The following RORA variants were observed in gnomAD, a reference collection of about 807,000 sequenced individuals.
RORA encodes RAR related orphan receptor A, also known as nuclear receptor ROR-alpha.
RORA carries 7 observed loss-of-function variants against 69.5 expected under a neutral mutation model. The ratio of observed to expected loss-of-function variants is 0.10; its 90% CI spans 0.06 to 0.19. RORA has a LOEUF of 0.19. Among genes scored for constraint, RORA ranks in the 10% least tolerant of loss-of-function variants. RORA has a pLI of 1.00. For synonymous variants in RORA, 261 were observed against 240.8 expected (o/e 1.08, Z -0.78); for missense variants, 457 against 663.0 (o/e 0.69, Z 3.41).
chr15:60,767,135 G>A (rs1298757456), intron 1 of RORA, among the ~76,000 whole-genome samples: 1 of 152,180 alleles, frequency 6.6e-6, no homozygotes, highest in African/African-American at 2.4e-5. Flanking sequence ...AAATTGGAAG[G>A]TGTGATTAAA....
chr15:61,009,258 G>A (rs902910979), intron 1 of RORA, among the ~76,000 whole-genome samples: 2 of 152,180 alleles, frequency 1.3e-5, no homozygotes, highest in African/African-American at 4.8e-5. Context: ...GGAGGGATGG[G>A]TAGGAAAGTT....
intron 3 of RORA, among the ~76,000 whole-genome samples, chr15:60,516,093 A>G (rs1197057330): frequency 2.6e-5 from 2 of 76,622 alleles, no homozygotes; most frequent in South Asian, 3.1e-4. Context: ...ATATATATTT[A>G]TATATATTTA....
intron 1 of RORA, among the ~76,000 whole-genome samples, chr15:60,842,733 C>T (rs2073215437): frequency 6.6e-6 from 1 of 151,572 alleles, no homozygotes; most frequent in African/African-American, 2.4e-5. Flanking sequence ...CTGTCATGGT[C>T]ACCCCCTCCC....
At chr15:61,186,639 TCAAA>T (rs1358072731) in intron 1 of RORA, among the ~76,000 whole-genome samples, 2 of 10,964 alleles carry the variant, frequency 1.8e-4, no homozygotes, top group Non-Finnish European at 1.4e-4. Flanking sequence ...AGACCCTGAC[TCAAA>T]AAAAAAAAAA....
chr15:60,727,251 CT>C (rs1474010343), intron 1 of RORA, among the ~76,000 whole-genome samples: 7 of 152,174 alleles, frequency 4.6e-5, no homozygotes, highest in Non-Finnish European at 1.0e-4. Context: ...CCTCCTTCCC[CT>C]TCTTTGCAAT....
chr15:60,792,338 G>A (rs931969423), intron 1 of RORA, among the ~76,000 whole-genome samples: 1 of 152,130 alleles, frequency 6.6e-6, no homozygotes, highest in African/African-American at 2.4e-5. Flanking sequence ...ATACATATAT[G>A]AAATAGCAAG....
At chr15:60,640,536 C>T (rs2069925013) in intron 2 of RORA, among the ~76,000 whole-genome samples, 1 of 152,192 alleles carries the variant, frequency 6.6e-6, no homozygotes, top group South Asian at 2.1e-4. Flanking sequence ...CCAAGCTCCT[C>T]ACCACAGCCT....
intron 1 of RORA, among the ~76,000 whole-genome samples, chr15:60,736,313 G>A (rs1423498367): frequency 6.6e-6 from 1 of 152,174 alleles, no homozygotes; most frequent in Non-Finnish European, 1.5e-5. Context: ...AGCATGGCGG[G>A]AAGTCAGAGT....
intron 2 of RORA, among the ~76,000 whole-genome samples, chr15:60,675,323 C>T (rs1203193883): frequency 6.6e-6 from 1 of 152,106 alleles, no homozygotes; most frequent in Non-Finnish European, 1.5e-5. Flanking sequence ...TTGAAGGGGT[C>T]CAACCAAATA....
chr15:61,047,605 A>AAAACAG (rs1300964398), intron 1 of RORA, among the ~76,000 whole-genome samples: 1 of 149,982 alleles, frequency 6.7e-6, no homozygotes, highest in African/African-American at 2.4e-5. Flanking sequence ...TGGTAAAACA[A>AAAACAG]AAACAAAAAC....
intron 1 of RORA, among the ~76,000 whole-genome samples, chr15:60,835,143 C>T (rs922801078): frequency 1.4e-4 from 21 of 152,118 alleles, no homozygotes; most frequent in African/African-American, 4.6e-4. Flanking sequence ...ACCCCAGTCA[C>T]TTCAGAATAA....
chr15:60,597,633 C>CATAT (rs1382402262), intron 2 of RORA, among the ~76,000 whole-genome samples: 1 of 24,268 alleles, frequency 4.1e-5, no homozygotes, highest in South Asian at 1.4e-3. Context: ...CATATATATA[C>CATAT]ATATATATAT....
At chr15:60,777,271 T>G (rs2072182665) in intron 1 of RORA, among the ~76,000 whole-genome samples, 1 of 152,120 alleles carries the variant, frequency 6.6e-6, no homozygotes, top group Non-Finnish European at 1.5e-5. Context: ...ACCCGGAACA[T>G]TAGCTCAGGA....
At chr15:60,919,262 T>C (rs1365446226) in intron 1 of RORA, among the ~76,000 whole-genome samples, 2 of 152,124 alleles carry the variant, frequency 1.3e-5, no homozygotes, top group Admixed American at 1.3e-4. Flanking sequence ...GTGCCTGGCA[T>C]ATGAAGAATA....
intron 1 of RORA, among the ~76,000 whole-genome samples, chr15:61,038,277 G>GT (rs1208326322): frequency 6.6e-6 from 1 of 152,036 alleles, no homozygotes; most frequent in Non-Finnish European, 1.5e-5. Context: ...AAATATGAGA[G>GT]TTTTTTTCTT....
intron 1 of RORA, among the ~76,000 whole-genome samples, chr15:60,892,820 G>C (rs999097220): frequency 1.3e-5 from 2 of 152,222 alleles, no homozygotes; most frequent in African/African-American, 4.8e-5. Context: ...CAAGGTAAAA[G>C]GGAAGGAAAG....
chr15:61,171,586 C>T (rs1478886403), intron 1 of RORA, among the ~76,000 whole-genome samples: 2 of 152,202 alleles, frequency 1.3e-5, no homozygotes, highest in Non-Finnish European at 2.9e-5. Flanking sequence ...ACCCACTCCA[C>T]TTCTGGACTT....
At chr15:60,865,912 G>A (rs1161326335) in intron 1 of RORA, among the ~76,000 whole-genome samples, 1 of 151,870 alleles carries the variant, frequency 6.6e-6, no homozygotes, top group Admixed American at 6.6e-5. Context: ...GGGAGAGATG[G>A]GATATTAAAA....
chr15:60,602,285 C>A (rs1471248639), intron 2 of RORA, among the ~76,000 whole-genome samples: 2 of 152,218 alleles, frequency 1.3e-5, no homozygotes, highest in Non-Finnish European at 2.9e-5. Flanking sequence ...AGTTAACTGT[C>A]TGTTTCTGAC....
Sources: allele counts gnomAD v4.1 joint callset (sites outside exome capture counted in the v4.1 genomes callset), GRCh38; gene constraint gnomAD v4.1.1; transcripts MANE v1.5; gene names NCBI Gene and HGNC (gene_info 2026-07-23, HGNC 2026-07-21).